Variants in NPC1L1 observed in about 807,000 individuals in gnomAD.
NPC1L1 encodes the protein NPC1-like intracellular cholesterol transporter 1.
In NPC1L1, 98 loss-of-function variants were observed where a neutral mutation model predicts 117.0. That is an observed-to-expected ratio of 0.84 (90% confidence interval 0.71 to 0.99). NPC1L1 has a LOEUF of 0.99. Among genes scored for constraint, NPC1L1 ranks in the 50% least tolerant of loss-of-function variants. The probability of loss-of-function intolerance (pLI) is 0.00; values close to 1 mark genes in which losing one functional copy is unlikely to be tolerated. For synonymous variants in NPC1L1, 729 were observed against 727.6 expected, an observed-to-expected ratio of 1.00 and a Z score of -0.03; for missense variants, 1,540 against 1,710.0, an observed-to-expected ratio of 0.90 and a Z score of 1.75.
intron 14 of NPC1L1, among the ~76,000 whole-genome samples, chr7:44,520,280 G>C (rs921863319): frequency 7.0e-6 from 1 of 141,932 alleles, no homozygotes; most frequent in Admixed American, 7.0e-5. Context: ...ACTCCGTCTC[G>C]AAAAAAAAAA....
Position 44,534,282 on chromosome 7 carries a change from G to A in NPC1L1, c.2166+165C>T, listed in dbSNP as rs1784141130. ...GTAGAGGCAGGATGAAGTCATTTATGTCAACACACTCTAGTTTCTACAGAT... is the reference window on the plus strand; with the variant it reads ...GTAGAGGCAGGATGAAGTCATTTATATCAACACACTCTAGTTTCTACAGAT... On this transcript the variant is annotated intron_variant, in intron 6 of 18. Transcript: ENST00000381160. The surrounding 1 kb of genome is among the most constrained non-coding windows in gnomAD (Gnocchi z 5.2). 6.6e-6 allele frequency among the ~76,000 whole-genome samples: 1 copy of A among 152,176 alleles called. No homozygotes were observed. The highest frequency in any genetic ancestry group is 2.4e-5 in the African/African-American group (1 of 41,428).
Position 44,538,861 on chromosome 7 carries a change from C to T in NPC1L1, c.1536G>A (p.Gln512=). ...LLTANQTLMG[Q]TSQVDWKDHF... is the part of the protein sequence containing the mutation. ...GGTCCTTCCAGTCGACTTGGGAGGT[C>T]TGCCCCATCAGTGTCTGGTTGGCTG... is the stretch of plus-strand genomic sequence containing the variant. Residue 512 remains glutamine, a synonymous_variant, in exon 2 of 19, where the codon CAG becomes CAA. Transcript: ENST00000381160. The surrounding 1 kb of genome is among the most constrained non-coding windows in gnomAD (Gnocchi z 5.9). The T allele has an allele frequency of 6.2e-7, 1 of 1,614,200 alleles. No homozygotes were observed. Among genetic ancestry groups the T allele is most frequent in the Non-Finnish European group, 8.5e-7 (1 of 1,180,040 alleles).
intron 8 of NPC1L1, 38 bp downstream of exon 8, chr7:44,533,393 A>C: frequency 6.2e-7 from 1 of 1,612,408 alleles, no homozygotes; most frequent in East Asian, 2.2e-5. Flanking sequence ...GTGGGAACCC[A>C]GGGGCAGGTC....
rs1324590139 is a variant in NPC1L1 at position 44,522,163 on chromosome 7, A to G, written c.2717T>C (p.Leu906Ser). The change falls in exon 11 of 19, where the codon TTG (leucine) becomes TCG (serine). Residue 906 changes from leucine to serine, a missense_variant. Leu to Ser is a moderately radical substitution (Grantham distance 145). This residue lies in a region of NPC1L1 where 742 missense variants were observed against 873.6 expected (regional missense o/e 0.85). Coordinates refer to ENST00000381160, the MANE Select transcript of NPC1L1 (RefSeq NM_001101648.2). ...AGCCTCGCTGGAGAAGTTGTAGCCC[A>G]AGGTGGTAACAAAGTACACCGGGGC... Reference protein sequence around the residue: ...VGAPVYFVTTLGYNFSSEAGM... With the variant: ...VGAPVYFVTTSGYNFSSEAGM... 6.8e-6 allele frequency: 11 copies of G among 1,614,050 alleles called. No homozygotes were observed. In the East Asian group the frequency reaches 2.2e-4, roughly 33 times the overall value.
At chr7:44,521,909 C>T in intron 11 of NPC1L1, 73 bp from the exon 12 acceptor site, 1 of 1,608,320 alleles carries the variant, frequency 6.2e-7, no homozygotes. Context: ...TGGCCCAACC[C>T]CCACGCAGCC....
intron 18 of NPC1L1, among the ~76,000 whole-genome samples, chr7:44,515,541 G>A (rs1801157083): frequency 6.6e-6 from 1 of 152,142 alleles, no homozygotes; most frequent in Admixed American, 6.5e-5. Flanking sequence ...AAGTCCAACA[G>A]CAGTGCAGTG....
intron 14 of NPC1L1, among the ~76,000 whole-genome samples, chr7:44,518,408 G>A (rs1052814365): frequency 3.3e-5 from 5 of 152,024 alleles, no homozygotes; most frequent in Non-Finnish European, 7.4e-5. Flanking sequence ...GACCTCAAGT[G>A]ATTCGCCGGC....
intron 10 of NPC1L1, among the ~76,000 whole-genome samples, chr7:44,525,865 G>A (rs217415): frequency 0.21 from 32,144 of 152,222 alleles, 3,645 homozygotes; most frequent in Non-Finnish European, 0.23. Flanking sequence ...TGGGTTTGTA[G>A]ATTGAAAGTG....
chr7:44,540,178 T>C lies in NPC1L1; in HGVS notation c.219A>G (p.Leu73=). ...ARKITGDHLI[L]LQKICPRLYT... ...AGAGGCGGGGGCAGATCTTCTGTAA[T>C]AGGATCAGGTGATCACCTGTGATCT... The change falls in exon 2 of 19, where the codon CTA becomes CTG. Residue 73 remains leucine, a synonymous_variant. Coordinates refer to ENST00000381160, the MANE Select transcript of NPC1L1 (RefSeq NM_001101648.2). 3 of 1,612,938 alleles carry C rather than the reference T, an allele frequency of 1.9e-6. No homozygotes were observed. Among genetic ancestry groups the C allele is most frequent in the African/African-American group, 1.3e-5 (1 of 74,582 alleles).
In NPC1L1 at chr7:44,534,205, G is replaced by A. The variant is rs1219313639; in HGVS notation, c.2166+242C>T. ...GAGGAGGCTGTAATGTACTAACATG[G>A]AGAGGTTTTACTAGACATTGCAAGG... On this transcript the variant is annotated intron_variant, in intron 6 of 18. Coordinates refer to ENST00000381160, the MANE Select transcript of NPC1L1 (RefSeq NM_001101648.2). This position sits in a 1 kb window ranked among gnomAD's most constrained non-coding sequence, Gnocchi z 5.2. Among the ~76,000 whole-genome samples the A allele has an allele frequency of 6.6e-6, 1 of 152,218 alleles. No individual in the cohort carries two copies. The highest frequency in any genetic ancestry group is 1.5e-5 in the Non-Finnish European group (1 of 68,040).
Position 44,536,147 on chromosome 7 carries a change from C to T in NPC1L1, c.1854+109G>A, listed in dbSNP as rs1371564812. 3 of 1,557,262 alleles carry T rather than the reference C, an allele frequency of 1.9e-6. No homozygotes were observed. Reference sequence around the variant, plus strand: ...CAATCACCCCGTTCTGAGCAGGCAGCCACTGCCCAGGGTCACTTAGGAAGG... The same window carrying T: ...CAATCACCCCGTTCTGAGCAGGCAGTCACTGCCCAGGGTCACTTAGGAAGG... On this transcript the variant is annotated intron_variant, in intron 4 of 18. Transcript: ENST00000381160. The surrounding 1 kb of genome is among the most constrained non-coding windows in gnomAD (Gnocchi z 4.7).
intron 17 of NPC1L1, 22 bp from the exon 18 acceptor site, chr7:44,515,987 G>GTCAGGCAGGGCACAGGGCA (rs534475844): frequency 5.6e-6 from 9 of 1,612,254 alleles, no homozygotes; most frequent in African/African-American, 1.3e-5. Context: ...AGAGCCAGGT[G>GTCAGGCAGGGCACAGGGCA]TCAGGCAGGG....
Position 44,538,977 on chromosome 7 carries a change from G to A in NPC1L1, c.1420C>T (p.Pro474Ser), listed in dbSNP as rs757263723. Residue 474 changes from proline (P) to serine (S), a missense_variant, in exon 2 of 19, where the codon CCC (proline) becomes TCC (serine). This residue lies in a region of NPC1L1 where 793 missense variants were observed against 820.4 expected (regional missense o/e 0.97). Coordinates refer to ENST00000381160, the MANE Select transcript of NPC1L1 (RefSeq NM_001101648.2). The surrounding 1 kb of genome is among the most constrained non-coding windows in gnomAD (Gnocchi z 5.9). Reference sequence around the variant, plus strand: ...AGACTGGTATTGTCCGGATTGAGGGGGGCGTAGCAGATGTCCTGCAGGGAG... The same window carrying A: ...AGACTGGTATTGTCCGGATTGAGGGAGGCGTAGCAGATGTCCTGCAGGGAG... Reference protein sequence around the residue: ...NISLQDICYAPLNPDNTSLYD... With the variant: ...NISLQDICYASLNPDNTSLYD... 6.2e-6 allele frequency: 10 copies of A among 1,614,094 alleles called. No individual in the cohort carries two copies. The highest frequency in any genetic ancestry group is 5.9e-6 in the Non-Finnish European group (7 of 1,180,050).
intron 14 of NPC1L1, chr7:44,518,609 C>T: frequency 4.8e-6 from 3 of 621,378 alleles, no homozygotes; most frequent in South Asian, 1.7e-5. Flanking sequence ...GTAGAGGTTG[C>T]AGTGAGCCGA....
intron 2 of NPC1L1, among the ~76,000 whole-genome samples, chr7:44,537,322 G>C (rs577315032): frequency 6.6e-6 from 1 of 152,198 alleles, no homozygotes; most frequent in African/African-American, 2.4e-5. Flanking sequence ...TGGATTGAGC[G>C]TCACACCTGA....
chr7:44,515,755 C>T (rs374556011), intron 18 of NPC1L1, 48 bp downstream of exon 18: 38 of 1,611,074 alleles, frequency 2.4e-5, no homozygotes, highest in Non-Finnish European at 2.8e-5. Flanking sequence ...TTACTGTTGT[C>T]GTCAGCATAA....
In NPC1L1 at chr7:44,536,724, G is replaced by T; in HGVS notation, c.1681+118C>A. On this transcript the variant is annotated intron_variant, in intron 3 of 18. Coordinates refer to ENST00000381160, the MANE Select transcript of NPC1L1 (RefSeq NM_001101648.2). The surrounding 1 kb of genome is among the most constrained non-coding windows in gnomAD (Gnocchi z 4.7). ...GGACAGGGTTGGCCTACAGCTTCCA[G>T]AAGCCAGGCTACCCCCAGGCCGCGA... 1 of 913,394 alleles carries T rather than the reference G, an allele frequency of 1.1e-6. No homozygotes were observed. The highest frequency in any genetic ancestry group is 2.6e-5 in the East Asian group (1 of 38,328). The allele number at this position is 913,394 out of a possible 1,614,324, so 56.6% of individuals were successfully genotyped here. A position where few individuals can be genotyped will look rare whatever the true frequency, so the allele number is the denominator to read the frequency against.
rs750229071 is a variant in NPC1L1 at position 44,533,851 on chromosome 7, CCT to C, written c.2167_2168del (p.Arg723AlafsTer31). 20 of 1,610,052 alleles carry C rather than the reference CCT, an allele frequency of 1.2e-5. No individual in the cohort carries two copies. Among genetic ancestry groups the C allele is most frequent in the Non-Finnish European group, 1.6e-5 (19 of 1,178,586 alleles). ...GTGGCTCCCCAGGCCTCCGGGGCAG[CCT>C]CTGTGTGGGAACAGCAGGGATAAGA... ...NIFIFVLEYQ[R>X]LPRRPGEPRE... On this transcript the variant is annotated frameshift_variant and splice_region_variant, in exon 7 of 19. Transcript: ENST00000381160. LOFTEE classifies it high-confidence loss of function.
intron 14 of NPC1L1, chr7:44,518,716 G>A: frequency 1.8e-5 from 21 of 1,191,596 alleles, no homozygotes; most frequent in Admixed American, 2.9e-5. Context: ...GTGAGCATGT[G>A]TATCTGAAAA....
Sources: gnomAD v4.1 joint callset for allele counts (sites outside exome capture counted in the v4.1 genomes callset) on GRCh38, gnomAD v4.1.1 for gene constraint, gnomAD v4.1.1 regional missense constraint, Gnocchi (gnomAD v3.1) non-coding constraint, MANE v1.5 for transcripts, NCBI Gene and HGNC (gene_info 2026-07-23, HGNC 2026-07-21) for gene names.